The following COL15A1 variants were observed in gnomAD, a reference collection of about 807,000 sequenced individuals.
The protein encoded by COL15A1 is collagen type XV alpha 1 chain, also known as collagen alpha-1(XV) chain.
A neutral mutation model predicts 165.9 loss-of-function variants in COL15A1; 111 were observed. The ratio of observed to expected loss-of-function variants is 0.67; its 90% CI spans 0.57 to 0.78. The LOEUF (loss-of-function observed/expected upper bound fraction) is 0.78. Ranked by LOEUF, COL15A1 falls within the 30% of genes least tolerant of loss-of-function variation. The pLI, the probability that COL15A1 is intolerant of heterozygous loss-of-function variation, is 0.00. For missense variants in COL15A1, 1,745 were observed against 1,789.7 expected, an observed-to-expected ratio of 0.98 and a Z score of 0.45; for synonymous variants, 659 against 674.8, an observed-to-expected ratio of 0.98 and a Z score of 0.36.
intron 2 of COL15A1, among the ~76,000 whole-genome samples, chr9:98,947,171 A>G (rs1837600725): frequency 1.3e-5 from 2 of 152,226 alleles, no homozygotes; most frequent in Admixed American, 1.3e-4. Flanking sequence ...GTGAATAGAT[A>G]AACAAATGAG....
intron 2 of COL15A1, among the ~76,000 whole-genome samples, chr9:98,972,271 G>A (rs912094381): frequency 3.6e-4 from 55 of 152,114 alleles, no homozygotes; most frequent in African/African-American, 1.3e-3. Context: ...ACCCGTGGCT[G>A]TCACTTGAGA....
intron 2 of COL15A1, among the ~76,000 whole-genome samples, chr9:98,969,155 CA>C (rs934928767): frequency 6.6e-6 from 1 of 152,080 alleles, no homozygotes; most frequent in Non-Finnish European, 1.5e-5. Flanking sequence ...AACTGAGGCC[CA>C]GGGGAAAATT....
chr9:99,060,251 TA>T (rs60475786), intron 36 of COL15A1, among the ~76,000 whole-genome samples: 8 of 130,422 alleles, frequency 6.1e-5, no homozygotes, highest in East Asian at 2.4e-4. Flanking sequence ...TATATATATA[TA>T]TATATTTTTT....
chr9:98,995,989 G>A (rs1017341839), intron 5 of COL15A1, among the ~76,000 whole-genome samples: 2 of 152,150 alleles, frequency 1.3e-5, no homozygotes, highest in Non-Finnish European at 2.9e-5. Flanking sequence ...AGGTCTGACT[G>A]TAAGAAATGA....
chr9:99,017,728 C>G (rs1415031000), intron 11 of COL15A1, among the ~76,000 whole-genome samples: 1 of 152,166 alleles, frequency 6.6e-6, no homozygotes, highest in Non-Finnish European at 1.5e-5. Context: ...CTGCACCTCA[C>G]CCCAAGGTAT....
At chr9:99,047,575 A>G (rs1171630356) in intron 26 of COL15A1, among the ~76,000 whole-genome samples, 1 of 152,034 alleles carries the variant, frequency 6.6e-6, no homozygotes, top group African/African-American at 2.4e-5. Flanking sequence ...AAAGCAGGGG[A>G]TGGTGTGGGT....
intron 40 of COL15A1, 45 bp from the exon 41 acceptor site, chr9:99,068,510 A>T (rs760420598): frequency 2.3e-5 from 14 of 601,572 alleles, no homozygotes; most frequent in Non-Finnish European, 3.3e-5. Flanking sequence ...ACTCATTTGT[A>T]GGCTGATGGT....
intron 18 of COL15A1, 64 bp from the exon 19 acceptor site, chr9:99,035,285 CA>C (rs778323738): frequency 7.0e-5 from 112 of 1,610,206 alleles, no homozygotes; most frequent in Non-Finnish European, 9.3e-5. Flanking sequence ...CTTCCAACAC[CA>C]CACCTGGCAC....
At chr9:99,063,538 A>C (rs1189239750) in intron 39 of COL15A1, among the ~76,000 whole-genome samples, 1 of 152,238 alleles carries the variant, frequency 6.6e-6, no homozygotes, top group African/African-American at 2.4e-5. Context: ...AGCAAGTGCT[A>C]GGTTTCAAGG....
At chr9:98,968,027 C>T (rs532316380) in intron 2 of COL15A1, among the ~76,000 whole-genome samples, 26 of 152,306 alleles carry the variant, frequency 1.7e-4, no homozygotes, top group African/African-American at 5.8e-4. Context: ...GAACCACTGG[C>T]GTCATGGATA....
intron 6 of COL15A1, 37 bp from the exon 7 acceptor site, chr9:99,000,802 A>T: frequency 1.0e-6 from 1 of 965,518 alleles, no homozygotes; most frequent in Non-Finnish European, 1.7e-6. Context: ...AGACTGCAAA[A>T]TGTAGTTATT....
intron 39 of COL15A1, among the ~76,000 whole-genome samples, chr9:99,064,977 A>C (rs1298978186): frequency 1.3e-5 from 2 of 152,244 alleles, no homozygotes; most frequent in Non-Finnish European, 2.9e-5. Flanking sequence ...TAACACACCT[A>C]CAATTTTATC....
At chr9:99,044,094 A>G (rs573192601) in intron 24 of COL15A1, among the ~76,000 whole-genome samples, 5 of 152,308 alleles carry the variant, frequency 3.3e-5, no homozygotes, top group African/African-American at 1.2e-4. Flanking sequence ...TTTAACAAGA[A>G]TAAGTATTCT....
intron 2 of COL15A1, among the ~76,000 whole-genome samples, chr9:98,956,430 A>T (rs1175432410): frequency 1.3e-5 from 2 of 152,250 alleles, no homozygotes; most frequent in Non-Finnish European, 2.9e-5. Context: ...TATAGGATAT[A>T]CATATATGTT....
Position 98,997,075 on chromosome 9 carries a change from A to G in COL15A1, c.946A>G (p.Lys316Glu), listed in dbSNP as rs1838560942. 6.2e-7 allele frequency: 1 copy of G among 1,614,200 alleles called. No individual in the cohort carries two copies. The highest frequency in any genetic ancestry group is 8.5e-7 in the Non-Finnish European group (1 of 1,180,014). Residue 316 changes from lysine (K) to glutamate (E), a missense_variant, in exon 6 of 42, where the codon AAA (lysine) becomes GAA (glutamate). Lys to Glu is a moderately conservative substitution (Grantham distance 56). Coordinates refer to ENST00000375001, the MANE Select transcript of COL15A1 (RefSeq NM_001855.5). ...NMSIIQHSSP[K>E]QGSGEILNDT... ...GAGCATCATCCAGCACAGCAGCCCC[A>G]AACAAGGCAAGTCCGGATGCACATG...
intron 6 of COL15A1, among the ~76,000 whole-genome samples, chr9:98,998,484 AG>A (rs1472006388): frequency 6.6e-6 from 1 of 152,192 alleles, no homozygotes; most frequent in Non-Finnish European, 1.5e-5. Context: ...ACAGCTTGGA[AG>A]GAGGCCCTGC....
chr9:98,994,528 C>T (rs1838511029), intron 5 of COL15A1, among the ~76,000 whole-genome samples: 1 of 152,162 alleles, frequency 6.6e-6, no homozygotes, highest in South Asian at 2.1e-4. Context: ...CCATCCCATG[C>T]ATCACTCCGA....
intron 39 of COL15A1, 77 bp from the exon 40 acceptor site, chr9:99,066,805 G>T: frequency 3.7e-6 from 5 of 1,346,848 alleles, no homozygotes; most frequent in East Asian, 4.6e-5. Context: ...TGGAATCTTT[G>T]CAGGAATGTG....
chr9:99,059,168 G>A (rs1386909811), intron 35 of COL15A1, among the ~76,000 whole-genome samples: 1 of 152,128 alleles, frequency 6.6e-6, no homozygotes, highest in Non-Finnish European at 1.5e-5. Context: ...GCATTTCTCT[G>A]GGAAAGAGGG....
Sources: gnomAD v4.1 joint callset for allele counts (sites outside exome capture counted in the v4.1 genomes callset) on GRCh38, gnomAD v4.1.1 for gene constraint, MANE v1.5 for transcripts, NCBI Gene and HGNC (gene_info 2026-07-23, HGNC 2026-07-21) for gene names.